ZNF362: variants seen among roughly 807,000 people sequenced by gnomAD.
ZNF362 encodes the protein zinc finger protein 362, also known as rotund homolog.
In ZNF362, 11 loss-of-function variants were observed where a neutral mutation model predicts 42.9. The observed-to-expected ratio is 0.26, with a 90% CI of 0.16 to 0.42. The LOEUF (loss-of-function observed/expected upper bound fraction) is 0.42, where lower values mean the gene tolerates loss of function less well. Among genes scored for constraint, ZNF362 ranks in the 20% least tolerant of loss-of-function variants. ZNF362 has a pLI of 1.00. For missense variants in ZNF362, 362 were observed against 576.2 expected (o/e 0.63, Z 3.81); for synonymous variants, 255 against 257.3 (o/e 0.99, Z 0.09).
the ZNF362 span, among the ~76,000 whole-genome samples, chr1:33,207,256 C>T: frequency 6.6e-6 from 1 of 152,138 alleles, no homozygotes; most frequent in Non-Finnish European, 1.5e-5. Context: ...CAGCTTCATC[C>T]ACGTCCCTGC....
At chr1:33,268,213 G>A (rs1441955637) in intron 1 of ZNF362, among the ~76,000 whole-genome samples, 1 of 152,178 alleles carries the variant, frequency 6.6e-6, no homozygotes, top group Non-Finnish European at 1.5e-5. Flanking sequence ...TAGGAAGACA[G>A]GACTTAGACA....
intron 4 of ZNF362, among the ~76,000 whole-genome samples, chr1:33,277,244 A>G (rs187030021): frequency 5.3e-5 from 8 of 152,232 alleles, no homozygotes; most frequent in African/African-American, 1.9e-4. Flanking sequence ...CATGCAGTTC[A>G]CCTTAATGTC....
At chr1:33,219,166 C>G in the ZNF362 span, among the ~76,000 whole-genome samples, 2 of 152,178 alleles carry the variant, frequency 1.3e-5, no homozygotes, top group African/African-American at 4.8e-5. Flanking sequence ...CTGTCATCTC[C>G]TGGCTGGGGG....
At chr1:33,189,921 G>A in the ZNF362 span, among the ~76,000 whole-genome samples, 2 of 151,412 alleles carry the variant, frequency 1.3e-5, no homozygotes, top group African/African-American at 4.9e-5. Flanking sequence ...CTGTAAAATG[G>A]GCTTTGGCAA....
chr1:33,210,540 T>C, the ZNF362 span, among the ~76,000 whole-genome samples: 1 of 152,166 alleles, frequency 6.6e-6, no homozygotes, highest in Non-Finnish European at 1.5e-5. Flanking sequence ...AAGTCTCCCA[T>C]TATTATTGCC....
chr1:33,238,524 C>A, the ZNF362 span, among the ~76,000 whole-genome samples: 64 of 152,166 alleles, frequency 4.2e-4, 1 homozygote, highest in Non-Finnish European at 8.4e-4. Flanking sequence ...CTGTGATTGG[C>A]CAAGCCTAGG....
the ZNF362 span, among the ~76,000 whole-genome samples, chr1:33,135,413 G>A: frequency 6.6e-6 from 1 of 152,108 alleles, no homozygotes; most frequent in Non-Finnish European, 1.5e-5. Context: ...CAGACATGTG[G>A]CCCACCCCAG....
chr1:33,254,521 T>C (rs913762238), upstream of ZNF362, among the ~76,000 whole-genome samples: 2 of 152,190 alleles, frequency 1.3e-5, no homozygotes, highest in Admixed American at 6.5e-5. Context: ...AGCAATTTTG[T>C]TGGATAGCCC....
At chr1:33,295,449 G>A in intron 8 of ZNF362, 144 bp downstream of exon 8, 1 of 1,125,198 alleles carries the variant, frequency 8.9e-7, no homozygotes, top group Admixed American at 2.7e-5. Context: ...GACACCCTGA[G>A]ATCACAGGGA....
chr1:33,152,254 C>T, the ZNF362 span, among the ~76,000 whole-genome samples: 1 of 152,142 alleles, frequency 6.6e-6, no homozygotes, highest in African/African-American at 2.4e-5. Context: ...AGCATGTGGC[C>T]CCAGAAAGCC....
chr1:33,256,861 G>A (rs1372918951), intron 1 of ZNF362, among the ~76,000 whole-genome samples: 1 of 149,098 alleles, frequency 6.7e-6, no homozygotes, highest in Non-Finnish European at 1.5e-5. Flanking sequence ...GGGCGCGCGG[G>A]GTAGGAAGTG....
chr1:33,181,995 C>G, the ZNF362 span: 1 of 154,274 alleles, frequency 6.5e-6, no homozygotes, highest in South Asian at 1.9e-4. This position sits in a 1 kb window ranked among gnomAD's most constrained non-coding sequence, Gnocchi z 6.5. Context: ...ACCCCTTACC[C>G]CCGCGAGCTT....
chr1:33,288,709 A>ACCCCCCCCC (rs1160018909), intron 6 of ZNF362, among the ~76,000 whole-genome samples: 1 of 122,354 alleles, frequency 8.2e-6, no homozygotes, highest in Non-Finnish European at 1.6e-5. Flanking sequence ...GTGCCACTGC[A>ACCCCCCCCC]CTCCAGCCTC....
chr1:33,225,921 A>G, the ZNF362 span, among the ~76,000 whole-genome samples: 1 of 152,200 alleles, frequency 6.6e-6, no homozygotes, highest in East Asian at 1.9e-4. Flanking sequence ...CATTTACTGC[A>G]GTGTTCCCCA....
chr1:33,234,040 G>A, the ZNF362 span, among the ~76,000 whole-genome samples: 6 of 152,144 alleles, frequency 3.9e-5, no homozygotes, highest in African/African-American at 1.4e-4. Flanking sequence ...CTATTTTTAT[G>A]ATTATTCCTG....
the ZNF362 span, chr1:33,147,628 G>A: frequency 6.2e-7 from 1 of 1,614,032 alleles, no homozygotes; most frequent in Non-Finnish European, 8.5e-7. The surrounding 1 kb of genome is among the most constrained non-coding windows in gnomAD (Gnocchi z 8.1). Context: ...GTCCTGCAGT[G>A]GCTGTGGGTG....
In ZNF362 at chr1:33,281,930, G is replaced by T; in HGVS notation, c.908+119G>T. On this transcript the variant is annotated intron_variant, in intron 6 of 8. Coordinates refer to ENST00000539719, the MANE Select transcript of ZNF362 (RefSeq NM_152493.3). The surrounding 1 kb of genome is among the most constrained non-coding windows in gnomAD (Gnocchi z 4.8). The stretch of plus-strand genomic sequence containing the variant: ...TCTCCAGGTGCCCATTGCCCTCGGG[G>T]TCACGGCCCTTGTGGACCTCACTGG... The T allele has an allele frequency of 9.7e-7, 1 of 1,026,094 alleles. No individual in the cohort carries two copies. The highest frequency in any genetic ancestry group is 1.4e-6 in the Non-Finnish European group (1 of 691,658). The allele number at this position is 1,026,094 out of a possible 1,614,324, so 63.6% of individuals were successfully genotyped here.
chr1:33,262,520 G>A (rs574229822), intron 1 of ZNF362, among the ~76,000 whole-genome samples: 2 of 152,064 alleles, frequency 1.3e-5, no homozygotes, highest in Admixed American at 1.3e-4. Flanking sequence ...TGTTAGCCAG[G>A]ATGGTCTCGA....
At chr1:33,165,511 T>TC in the ZNF362 span, 1 of 1,610,446 alleles carries the variant, frequency 6.2e-7, no homozygotes, top group Non-Finnish European at 8.5e-7. This position sits in a 1 kb window ranked among gnomAD's most constrained non-coding sequence, Gnocchi z 4.0. Context: ...CTGCAGCGCT[T>TC]CGGTGTGTTC....
Sources: gnomAD v4.1 joint callset for allele counts (sites outside exome capture counted in the v4.1 genomes callset) on GRCh38, gnomAD v4.1.1 for gene constraint, Gnocchi (gnomAD v3.1) non-coding constraint, MANE v1.5 for transcripts, NCBI Gene and HGNC (gene_info 2026-07-23, HGNC 2026-07-21) for gene names.